The following NEGR1 variants were observed in gnomAD, a reference collection of about 807,000 sequenced individuals.
NEGR1 encodes neuronal growth regulator 1.
In NEGR1, 10 loss-of-function variants were observed where a neutral mutation model predicts 40.9. The ratio of observed to expected loss-of-function variants is 0.24; its 90% confidence interval spans 0.15 to 0.42. The LOEUF (loss-of-function observed/expected upper bound fraction) is 0.42. NEGR1 is among the 10% of genes least tolerant of loss of function. NEGR1 has a pLI of 1.00. For synonymous variants in NEGR1, 185 were observed against 166.8 expected (o/e 1.11, Z -0.84); for missense variants, 352 against 438.9 (o/e 0.80, Z 1.77).
At chr1:71,906,096 C>T (rs1353271277) in intron 2 of NEGR1, among the ~76,000 whole-genome samples, 1 of 152,056 alleles carries the variant, frequency 6.6e-6, no homozygotes, top group Non-Finnish European at 1.5e-5. Context: ...GCTGATAAAG[C>T]CCCCTACTCA....
At chr1:72,050,716 C>A (rs1647051665) in intron 1 of NEGR1, among the ~76,000 whole-genome samples, 1 of 151,460 alleles carries the variant, frequency 6.6e-6, no homozygotes, top group Non-Finnish European at 1.5e-5. Context: ...ACTGAATAAA[C>A]TTGACTGTGT....
chr1:71,693,429 A>T (rs1429965424), intron 4 of NEGR1, among the ~76,000 whole-genome samples: 1 of 151,698 alleles, frequency 6.6e-6, no homozygotes, highest in African/African-American at 2.4e-5. Context: ...TACTATTCTA[A>T]GTAACAGGAA....
At chr1:72,034,837 G>T (rs1000451447) in intron 1 of NEGR1, among the ~76,000 whole-genome samples, 1 of 152,056 alleles carries the variant, frequency 6.6e-6, no homozygotes, top group African/African-American at 2.4e-5. Flanking sequence ...TTAATAAAAC[G>T]CAGCCCCAAA....
chr1:72,149,311 C>T (rs989871620), intron 1 of NEGR1, among the ~76,000 whole-genome samples: 2 of 152,132 alleles, frequency 1.3e-5, no homozygotes, highest in African/African-American at 4.8e-5. Flanking sequence ...CCCTGGGTCC[C>T]TCCCACTACA....
chr1:71,521,226 A>G (rs1647154876), intron 6 of NEGR1, among the ~76,000 whole-genome samples: 1 of 152,066 alleles, frequency 6.6e-6, no homozygotes. Context: ...GAAAACGGTC[A>G]ATTTAACTAA....
chr1:72,229,823 AC>A (rs1557588957), intron 1 of NEGR1, among the ~76,000 whole-genome samples: 1 of 152,132 alleles, frequency 6.6e-6, no homozygotes, highest in Non-Finnish European at 1.5e-5. Context: ...AATTAAAATT[AC>A]ATTTCTAAAT....
intron 1 of NEGR1, among the ~76,000 whole-genome samples, chr1:72,100,297 C>T (rs554806099): frequency 2.0e-5 from 3 of 152,152 alleles, no homozygotes; most frequent in African/African-American, 7.2e-5. Flanking sequence ...GCTGAGAAAA[C>T]CACATACATG....
intron 6 of NEGR1, among the ~76,000 whole-genome samples, chr1:71,507,659 C>T (rs1214190237): frequency 6.6e-6 from 1 of 152,194 alleles, no homozygotes; most frequent in Non-Finnish European, 1.5e-5. Context: ...CCAACAGCCA[C>T]TGCTGGGAAT....
rs576691685 is a variant in NEGR1, at chr1:72,002,700, G to T, written c.177-67389C>A. Among the ~76,000 whole-genome samples the T allele has an allele frequency of 3.3e-5, 5 of 152,192 alleles. No individual in the cohort carries two copies. The East Asian group carries it at 9.6e-4, about 29-fold the overall frequency. On this transcript the variant is annotated intron_variant, in intron 1 of 6. Coordinates refer to ENST00000357731, the MANE Select transcript of NEGR1 (RefSeq NM_173808.3). ...AAACTATATTAAAAATTTACTATTC[G>T]TATTACTAATCAATAATGTCACATC...
chr1:71,619,281 C>T (rs1232113130), intron 4 of NEGR1, among the ~76,000 whole-genome samples: 1 of 152,044 alleles, frequency 6.6e-6, no homozygotes, highest in Non-Finnish European at 1.5e-5. Context: ...ATGAAAAAAT[C>T]TGAGTGATTG....
intron 6 of NEGR1, among the ~76,000 whole-genome samples, chr1:71,428,260 CA>C (rs1646442281): frequency 6.6e-6 from 1 of 152,172 alleles, no homozygotes; most frequent in South Asian, 2.1e-4. Context: ...GGCTAGATGA[CA>C]TTAAGCTGAG....
In NEGR1 at chr1:71,592,964, A is replaced by G. The variant is rs774726386; in HGVS notation, c.793T>C (p.Phe265Leu). Residue 265 changes from phenylalanine (F) to leucine (L), a missense_variant, in exon 6 of 7, where the codon TTC becomes CTC. Around this residue, in one of 5 missense-constraint regions of NEGR1, gnomAD observed 184 missense variants for 208.7 expected, o/e 0.88. Transcript: ENST00000357731. ...FEWYKGEKKL[F>L]NGQQGIIIQN... ...ATAATAATTCCTTGTTGGCCATTGA[A>G]GAGCCTAGAAGACAAAATAAGCTCT... 4 of 1,607,666 alleles carry G rather than the reference A, an allele frequency of 2.5e-6. No individual in the cohort carries two copies. The East Asian group carries it at 8.9e-5, about 36-fold the overall frequency.
intron 3 of NEGR1, among the ~76,000 whole-genome samples, chr1:71,766,060 G>A (rs1656115759): frequency 1.3e-5 from 2 of 151,820 alleles, no homozygotes; most frequent in African/African-American, 4.8e-5. Context: ...TGTAATCCCA[G>A]CTACTCGGGA....
chr1:71,894,506 A>T (rs1488594277), intron 2 of NEGR1, among the ~76,000 whole-genome samples: 2 of 152,190 alleles, frequency 1.3e-5, no homozygotes, highest in Non-Finnish European at 2.9e-5. Context: ...TTAAAACAAC[A>T]CTGAGATACA....
chr1:71,448,979 A>G (rs1413747512), intron 6 of NEGR1, among the ~76,000 whole-genome samples: 1 of 152,156 alleles, frequency 6.6e-6, no homozygotes, highest in East Asian at 1.9e-4. Context: ...TCGGTTGTCA[A>G]AGAGGAACCC....
At chr1:71,595,608 C>T (rs1052174958) in intron 5 of NEGR1, among the ~76,000 whole-genome samples, 4 of 152,148 alleles carry the variant, frequency 2.6e-5, no homozygotes, top group African/African-American at 7.2e-5. Flanking sequence ...TAAATTGCTA[C>T]AAAGATGAGC....
rs1340936694 is a variant in NEGR1, at chr1:72,191,727, T to C, written c.176+90592A>G. On this transcript the variant is annotated intron_variant, in intron 1 of 6. Coordinates refer to ENST00000357731, the MANE Select transcript of NEGR1 (RefSeq NM_173808.3). ...TCCACCTTTAAACTGTGATTACAAATGAGGCAGCAGGCAACCTAAAAAGAG... is the reference window on the plus strand; with the variant it reads ...TCCACCTTTAAACTGTGATTACAAACGAGGCAGCAGGCAACCTAAAAAGAG... Among the ~76,000 whole-genome samples, 12 of 151,804 alleles carry C rather than the reference T, an allele frequency of 7.9e-5. No homozygotes were observed. In the Admixed American group the frequency reaches 7.9e-4, roughly 10 times the overall value.
chr1:72,252,004 A>G (rs1655114937), intron 1 of NEGR1, among the ~76,000 whole-genome samples: 1 of 152,210 alleles, frequency 6.6e-6, no homozygotes, highest in South Asian at 2.1e-4. Context: ...AATTGACTAT[A>G]TAAGAGTACA....
At chr1:71,708,862 T>C (rs1490708946) in intron 3 of NEGR1, among the ~76,000 whole-genome samples, 1 of 152,222 alleles carries the variant, frequency 6.6e-6, no homozygotes, top group Non-Finnish European at 1.5e-5. Context: ...TGTTTCTACA[T>C]TACTTTGCTG....
Sources: allele counts gnomAD v4.1 joint callset (sites outside exome capture counted in the v4.1 genomes callset), GRCh38; gene constraint gnomAD v4.1.1; regional missense constraint gnomAD v4.1.1; transcripts MANE v1.5; gene names NCBI Gene and HGNC (gene_info 2026-07-23, HGNC 2026-07-21).